HIVEP2: variants seen among roughly 807,000 people sequenced by gnomAD.
HIVEP2 encodes the protein transcription factor HIVEP2.
A neutral mutation model predicts 180.7 loss-of-function variants in HIVEP2; 14 were observed. The observed-to-expected ratio is 0.08, with a 90% CI of 0.05 to 0.12. The LOEUF (loss-of-function observed/expected upper bound fraction) is 0.12. HIVEP2 is among the 10% of genes least tolerant of loss of function. The pLI is 1.00. For missense variants in HIVEP2, 2,579 were observed against 3,008.5 expected (o/e 0.86, Z 3.34); for synonymous variants, 1,184 against 1,136.4 (o/e 1.04, Z -0.84).
At chr6:142,812,686 G>A (rs913911476) in intron 2 of HIVEP2, among the ~76,000 whole-genome samples, 3 of 152,094 alleles carry the variant, frequency 2.0e-5, no homozygotes, top group Non-Finnish European at 4.4e-5. Context: ...AGTAGAAAAG[G>A]ACAATAAGAC....
In HIVEP2 at chr6:142,776,140, T is replaced by C. The variant is rs1253136601; in HGVS notation, c.-388+7A>G. The stretch of plus-strand genomic sequence containing the variant: ...TTTCTAGGACAGTTTAAAAACGAAA[T>C]GATTACCTGAACAGTTTAGAGTTCT... On this transcript the variant is annotated splice_region_variant and intron_variant, in intron 4 of 9. Transcript: ENST00000367603. The C allele has an allele frequency of 6.6e-6, 1 of 152,520 alleles. No homozygotes were observed. Among genetic ancestry groups the C allele is most frequent in the Non-Finnish European group, 1.5e-5 (1 of 68,016 alleles). The allele number at this position is 152,520 out of a possible 1,614,324, so 9.4% of individuals were successfully genotyped here. A position where few individuals can be genotyped will look rare whatever the true frequency, so the allele number is the denominator to read the frequency against.
chr6:142,816,460 C>T (rs1404481545), intron 2 of HIVEP2, among the ~76,000 whole-genome samples: 1 of 152,066 alleles, frequency 6.6e-6, no homozygotes, highest in East Asian at 1.9e-4. Context: ...CGACCACCTC[C>T]TCATCACTCA....
chr6:142,859,286 A>G (rs957929764), intron 1 of HIVEP2, among the ~76,000 whole-genome samples: 2 of 152,036 alleles, frequency 1.3e-5, no homozygotes, highest in East Asian at 3.9e-4. Flanking sequence ...TGGGCAACAA[A>G]GGGAGACTCC....
chr6:142,822,182 A>T (rs558172299), intron 2 of HIVEP2, among the ~76,000 whole-genome samples: 13 of 152,330 alleles, frequency 8.5e-5, no homozygotes, highest in African/African-American at 3.1e-4. Flanking sequence ...TTTCGTCTAC[A>T]TCAGACCTTT....
chr6:142,814,938 G>A (rs899161967), intron 2 of HIVEP2, among the ~76,000 whole-genome samples: 1 of 152,030 alleles, frequency 6.6e-6, no homozygotes, highest in Non-Finnish European at 1.5e-5. Flanking sequence ...TTTATAACAA[G>A]CAGAAATTTT....
chr6:142,779,060 C>G (rs999231979), intron 3 of HIVEP2, among the ~76,000 whole-genome samples: 1 of 152,086 alleles, frequency 6.6e-6, no homozygotes, highest in Admixed American at 6.5e-5. Context: ...ATAATAAAGT[C>G]TCATGCCAGA....
intron 1 of HIVEP2, among the ~76,000 whole-genome samples, chr6:142,901,724 G>T (rs1302414598): frequency 1.3e-5 from 2 of 152,120 alleles, no homozygotes; most frequent in Non-Finnish European, 2.9e-5. Flanking sequence ...AATGTCTCAG[G>T]TAAATTCGCC....
At chr6:142,917,706 A>T (rs1398223191) in intron 1 of HIVEP2, among the ~76,000 whole-genome samples, 3 of 152,214 alleles carry the variant, frequency 2.0e-5, no homozygotes, top group Non-Finnish European at 4.4e-5. Flanking sequence ...TGAGTATTAG[A>T]CACAGAAATT....
chr6:142,772,477 G>A lies in HIVEP2; in HGVS notation c.2262C>T (p.His754=), dbSNP rs200278459. The part of the protein sequence containing the change: ...MAGHENLSHG[H]TERFDPCRPQ... ...GCCGACATGGGTCAAAGCGTTCCGT[G>A]TGACCATGAGAAAGGTTTTCGTGTC... Residue 754 remains histidine (H), a synonymous_variant, in exon 5 of 10, where the codon CAC becomes CAT. Transcript: ENST00000367603. The surrounding 1 kb of genome is among the most constrained non-coding windows in gnomAD (Gnocchi z 4.9). 2 of 1,614,136 alleles carry A rather than the reference G, an allele frequency of 1.2e-6. No individual in the cohort carries two copies. The highest frequency in any genetic ancestry group is 1.7e-5 in the Admixed American group (1 of 60,030).
At position 142,793,678 on chromosome 6, in the gene HIVEP2, TC is replaced by T. The variant is rs1554279292; in HGVS notation, c.-527-10064del. Among the ~76,000 whole-genome samples the T allele has an allele frequency of 1.3e-3, 183 of 142,660 alleles. 1 individual carries two copies. The highest frequency in any genetic ancestry group is 3.7e-3 in the African/African-American group (141 of 37,900). The allele number at this position is 142,660 out of a possible 152,430, so 93.6% of individuals were successfully genotyped here. The stretch of plus-strand genomic sequence containing the variant: ...TTTCTTTTTTCTTTCTTTCTTTCTC[TC>T]TCTCTCTCTCTCTCTCTCTGTCTGT... On this transcript the variant is annotated intron_variant, in intron 2 of 9. Transcript: ENST00000367603.
Position 142,820,297 on chromosome 6 carries a change from T to TTCTCTCTCTCTCTCTC in HIVEP2, c.-528+16622_-528+16637dup, listed in dbSNP as rs3057563. On this transcript the variant is annotated intron_variant, in intron 2 of 9. Coordinates refer to ENST00000367603, the MANE Select transcript of HIVEP2 (RefSeq NM_006734.4). Reference sequence around the variant, plus strand: ...ACTACTTTACCAGGCTCGCTCTCTCTTCTCTCTCTCTCTCTCTCTCTCTCT... The same window carrying TTCTCTCTCTCTCTCTC: ...ACTACTTTACCAGGCTCGCTCTCTCTTCTCTCTCTCTCTCTCTCTCTCTCTCTCTCTCTCTCTCTCT... Among the ~76,000 whole-genome samples, 978 of 148,372 alleles carry TTCTCTCTCTCTCTCTC rather than the reference T, an allele frequency of 6.6e-3. 10 individuals are homozygous for TTCTCTCTCTCTCTCTC. Among genetic ancestry groups the TTCTCTCTCTCTCTCTC allele is most frequent in the African/African-American group, 0.016 (630 of 39,758 alleles).
At chr6:142,933,429 A>C (rs1777984442) in intron 1 of HIVEP2, among the ~76,000 whole-genome samples, 2 of 152,238 alleles carry the variant, frequency 1.3e-5, no homozygotes, top group East Asian at 1.9e-4. Flanking sequence ...AGCAGGCTTC[A>C]AAGCAATGGG....
chr6:142,757,293 T>C (rs1354945637), intron 9 of HIVEP2, among the ~76,000 whole-genome samples: 1 of 152,048 alleles, frequency 6.6e-6, no homozygotes, highest in Non-Finnish European at 1.5e-5. Flanking sequence ...AGGCTATACA[T>C]CCTCTAAAGA....
At chr6:142,926,876 A>T (rs1777826282) in intron 1 of HIVEP2, among the ~76,000 whole-genome samples, 1 of 151,670 alleles carries the variant, frequency 6.6e-6, no homozygotes, top group Non-Finnish European at 1.5e-5. Context: ...CCCGGCAGGA[A>T]GGGGGGAGGC....
intron 1 of HIVEP2, among the ~76,000 whole-genome samples, chr6:142,928,809 C>T (rs1777874900): frequency 6.6e-6 from 1 of 152,200 alleles, no homozygotes; most frequent in Admixed American, 6.5e-5. Flanking sequence ...GCAAACTCTT[C>T]TCATTTTCAA....
intron 1 of HIVEP2, among the ~76,000 whole-genome samples, chr6:142,904,315 A>G (rs9373367): frequency 0.29 from 43,497 of 152,100 alleles, 7,241 homozygotes; most frequent in Non-Finnish European, 0.37. Context: ...TCATTTCCGG[A>G]AAAATTAGTA....
At chr6:142,923,223 T>A (rs1433420586) in intron 1 of HIVEP2, among the ~76,000 whole-genome samples, 1 of 151,664 alleles carries the variant, frequency 6.6e-6, no homozygotes, top group Non-Finnish European at 1.5e-5. Flanking sequence ...TCCCAGCTAC[T>A]CGGGAGGCTG....
At chr6:142,876,186 G>C (rs140114596) in intron 1 of HIVEP2, among the ~76,000 whole-genome samples, 10 of 152,276 alleles carry the variant, frequency 6.6e-5, no homozygotes, top group Admixed American at 6.5e-4. Context: ...AATGATCACT[G>C]GCTTTGGTAA....
In HIVEP2 at chr6:142,770,933, GCAGGTTTCTTTC is replaced by G. The variant is rs1775522751; in HGVS notation, c.3794_3805del (p.Gly1265_Pro1268del). ...CTGCTCTTTCGTGTGTGCATACTCA[GCAGGTTTCTTTC>G]CAGTGTGCTCTGCCACATGCTCTAA... On this transcript the variant is annotated inframe_deletion, in exon 5 of 10. Coordinates refer to ENST00000367603, the MANE Select transcript of HIVEP2 (RefSeq NM_006734.4). The surrounding 1 kb of genome is among the most constrained non-coding windows in gnomAD (Gnocchi z 4.7). The G allele has an allele frequency of 2.5e-6, 4 of 1,614,212 alleles. No individual in the cohort carries two copies. Among genetic ancestry groups the G allele is most frequent in the Non-Finnish European group, 3.4e-6 (4 of 1,180,030 alleles).
Sources: allele counts gnomAD v4.1 joint callset (sites outside exome capture counted in the v4.1 genomes callset), GRCh38; gene constraint gnomAD v4.1.1; non-coding constraint Gnocchi (gnomAD v3.1); transcripts MANE v1.5; gene names NCBI Gene and HGNC (gene_info 2026-07-23, HGNC 2026-07-21).